Variants in STX2 observed in about 807,000 individuals in gnomAD.
STX2 encodes the protein syntaxin 2, also known as syntaxin-2.
In STX2, 27 loss-of-function variants were observed where a neutral mutation model predicts 40.6. The ratio of observed to expected loss-of-function variants is 0.66; its 90% confidence interval spans 0.49 to 0.92. The LOEUF (loss-of-function observed/expected upper bound fraction) is 0.92. STX2 is among the 40% of genes least tolerant of loss of function. The pLI is 0.00. For missense variants in STX2, 328 were observed against 366.1 expected (o/e 0.90, Z 0.85); for synonymous variants, 123 against 119.1 (o/e 1.03, Z -0.22).
intron 6 of STX2, 85 bp from the exon 7 acceptor site, chr12:130,801,573 A>T: frequency 7.3e-7 from 1 of 1,377,496 alleles, no homozygotes; most frequent in Non-Finnish European, 9.7e-7. Flanking sequence ...TAGCAACTAC[A>T]ATCATAGTTG....
At chr12:130,825,577 T>C (rs1396855010) in intron 2 of STX2, among the ~76,000 whole-genome samples, 1 of 152,194 alleles carries the variant, frequency 6.6e-6, no homozygotes, top group Non-Finnish European at 1.5e-5. Flanking sequence ...TTAAAGGAAG[T>C]TCCTTGTAGC....
intron 2 of STX2, among the ~76,000 whole-genome samples, chr12:130,823,270 CCACTA>C (rs1952183468): frequency 6.6e-6 from 1 of 152,176 alleles, no homozygotes; most frequent in Non-Finnish European, 1.5e-5. Context: ...TGTGACTGCA[CCACTA>C]CACTACAGCC....
At chr12:130,797,022 G>T (rs1221876655) in intron 9 of STX2, among the ~76,000 whole-genome samples, 1 of 152,218 alleles carries the variant, frequency 6.6e-6, no homozygotes, top group East Asian at 1.9e-4. Flanking sequence ...AGGGAGACAA[G>T]CCAGGAGGGT....
intron 1 of STX2, among the ~76,000 whole-genome samples, chr12:130,836,322 G>A (rs565615564): frequency 1.3e-5 from 2 of 152,106 alleles, no homozygotes; most frequent in East Asian, 1.9e-4. Context: ...CCAGGCTGGA[G>A]GGCAGTGGCA....
chr12:130,808,540 G>A (rs773488127), intron 5 of STX2, 91 bp downstream of exon 5: 27 of 1,123,604 alleles, frequency 2.4e-5, no homozygotes, highest in Admixed American at 4.3e-5. Flanking sequence ...AAGCATGACA[G>A]TAAAGATGAA....
chr12:130,807,847 T>G (rs972105657), intron 5 of STX2, among the ~76,000 whole-genome samples: 1 of 152,194 alleles, frequency 6.6e-6, no homozygotes, highest in Non-Finnish European at 1.5e-5. Context: ...GCTTGGGAAC[T>G]GAGTCATGCA....
At chr12:130,798,378 CA>C in intron 9 of STX2, 146 bp downstream of exon 9, 66 of 506,840 alleles carry the variant, frequency 1.3e-4, no homozygotes, top group South Asian at 2.0e-4. Context: ...AAATTTTTAG[CA>C]AAAAAAATTA....
At chr12:130,835,868 ATC>A (rs1952740363) in intron 1 of STX2, among the ~76,000 whole-genome samples, 1 of 152,212 alleles carries the variant, frequency 6.6e-6, no homozygotes, top group Admixed American at 6.5e-5. Context: ...TAGAAACTAC[ATC>A]TGTCAGTACA....
chr12:130,802,317 ACC>A (rs1951261503), intron 6 of STX2, among the ~76,000 whole-genome samples: 1 of 151,312 alleles, frequency 6.6e-6, no homozygotes, highest in African/African-American at 2.4e-5. Context: ...CATGCCTCTG[ACC>A]CCTGAGTGGT....
rs1195721775 is a variant in STX2, at chr12:130,799,596, A to T, written c.676-961T>A. Among the ~76,000 whole-genome samples, 4 of 152,198 alleles carry T rather than the reference A, an allele frequency of 2.6e-5. No homozygotes were observed. In the East Asian group the frequency reaches 7.7e-4, roughly 29 times the overall value. On this transcript the variant is annotated intron_variant, in intron 8 of 10. Transcript: ENST00000392373. ...GGGGCCCCCAAAATCAAAAAGGAGT[A>T]AGATCGTCCCATCCCTGCCCTCTGT...
At chr12:130,797,229 G>A (rs1451277201) in intron 9 of STX2, among the ~76,000 whole-genome samples, 3 of 152,138 alleles carry the variant, frequency 2.0e-5, no homozygotes, top group East Asian at 3.9e-4. Context: ...TTTCACTATC[G>A]TTTTCACCAG....
chr12:130,821,209 C>T (rs1167251832), intron 3 of STX2, among the ~76,000 whole-genome samples: 1 of 152,140 alleles, frequency 6.6e-6, no homozygotes, highest in Non-Finnish European at 1.5e-5. Flanking sequence ...GAAAGAAAAC[C>T]GTTTCTTCCG....
chr12:130,827,354 C>T, intron 1 of STX2, 87 bp from the exon 2 acceptor site: 1 of 997,852 alleles, frequency 1.0e-6, no homozygotes, highest in Non-Finnish European at 1.5e-6. Context: ...GTTCAATACC[C>T]ACAAGATCTC....
At chr12:130,833,074 T>C (rs1416809462) in intron 1 of STX2, among the ~76,000 whole-genome samples, 1 of 152,224 alleles carries the variant, frequency 6.6e-6, no homozygotes, top group East Asian at 1.9e-4. Context: ...GAGCAAGGAC[T>C]TCTGTCTTTT....
chr12:130,808,822 G>A (rs1047086314), intron 4 of STX2, 118 bp from the exon 5 acceptor site: 1 of 849,208 alleles, frequency 1.2e-6, no homozygotes, highest in African/African-American at 1.7e-5. Flanking sequence ...TAAAGCTAAT[G>A]AACAAGTGAC....
intron 6 of STX2, among the ~76,000 whole-genome samples, chr12:130,802,641 G>A (rs1225973118): frequency 2.6e-5 from 4 of 152,112 alleles, no homozygotes; most frequent in Non-Finnish European, 4.4e-5. Flanking sequence ...GTGATTATAG[G>A]CACACACCCA....
At chr12:130,834,667 CA>C (rs1229607675) in intron 1 of STX2, among the ~76,000 whole-genome samples, 3 of 152,146 alleles carry the variant, frequency 2.0e-5, no homozygotes, top group African/African-American at 7.2e-5. Flanking sequence ...TTTAGATATA[CA>C]AATGAGTAAA....
intron 1 of STX2, among the ~76,000 whole-genome samples, chr12:130,829,172 T>C (rs1214509172): frequency 6.6e-6 from 1 of 152,194 alleles, no homozygotes; most frequent in South Asian, 2.1e-4. Context: ...GTCTCAGAGC[T>C]AAGCGGTGCC....
intron 3 of STX2, among the ~76,000 whole-genome samples, chr12:130,816,013 G>A (rs1252896377): frequency 6.6e-6 from 1 of 152,154 alleles, no homozygotes; most frequent in Non-Finnish European, 1.5e-5. Flanking sequence ...GAATAAAGAG[G>A]GTGGCAGGTC....
Sources: allele counts gnomAD v4.1 joint callset (sites outside exome capture counted in the v4.1 genomes callset), GRCh38; gene constraint gnomAD v4.1.1; transcripts MANE v1.5; gene names NCBI Gene and HGNC (gene_info 2026-07-23, HGNC 2026-07-21).